GGTA1: variants seen among roughly 807,000 people sequenced by gnomAD.
GGTA1 encodes inactive N-acetyllactosaminide alpha-1,3-galactosyltransferase.
In GGTA1, 5 loss-of-function variants were observed where a neutral mutation model predicts 2.6. The observed-to-expected ratio is 1.92, with a 90% CI of 1.00 to 4.04. GGTA1 has a LOEUF of 4.04. GGTA1 is among the 30% of genes most tolerant of loss of function. The pLI, the probability that GGTA1 is intolerant of heterozygous loss-of-function variation, is 0.00. For missense variants in GGTA1, 50 were observed against 16.7 expected (o/e 2.99, Z -3.47); for synonymous variants, 17 against 5.0 (o/e 3.38, Z -3.19).
intron 1 of GGTA1, among the ~76,000 whole-genome samples, chr9:121,470,407 G>A (rs768315416): frequency 1.3e-5 from 2 of 152,208 alleles, no homozygotes; most frequent in African/African-American, 2.4e-5. Flanking sequence ...AGAATCATGA[G>A]TTCCCACTTG....
intron 1 of GGTA1, among the ~76,000 whole-genome samples, chr9:121,477,954 A>G (rs1444373863): frequency 6.6e-6 from 1 of 150,772 alleles, no homozygotes; most frequent in Non-Finnish European, 1.5e-5. Flanking sequence ...TCCCCAGTCA[A>G]GCCAGGCCAG....
rs1829066986 is a variant in GGTA1, at chr9:121,499,753, A to G, written c.-113T>C. Reference sequence around the variant, plus strand: ...CGGCGAAGCCCTACGCGCTCTGATCAGCCACCGCGCCGCCTCCGCCCGAGC... The same window carrying G: ...CGGCGAAGCCCTACGCGCTCTGATCGGCCACCGCGCCGCCTCCGCCCGAGC... On this transcript the variant is annotated 5_prime_UTR_variant, in exon 1 of 6. Transcript: ENST00000481799. 6.6e-6 allele frequency: 1 copy of G among 151,922 alleles called. No homozygotes were observed. The highest frequency in any genetic ancestry group is 2.4e-5 in the African/African-American group (1 of 41,356). The allele number at this position is 151,922 out of a possible 1,614,324, so 9.4% of individuals were successfully genotyped here.
chr9:121,479,040 G>C (rs200211823), intron 1 of GGTA1: 23 of 456,208 alleles, frequency 5.0e-5, no homozygotes, highest in Non-Finnish European at 7.0e-5. Context: ...GGTCCTACCA[G>C]GGGAGCAAAA....
chr9:121,468,109 T>G (rs941163488), intron 1 of GGTA1, among the ~76,000 whole-genome samples, 178 bp from the exon 2 acceptor site: 3 of 152,312 alleles, frequency 2.0e-5, no homozygotes, highest in Admixed American at 2.0e-4. Flanking sequence ...CGTGCCATGG[T>G]GGTGCACCCA....
intron 4 of GGTA1, among the ~76,000 whole-genome samples, chr9:121,461,039 T>G (rs2064956724): frequency 6.6e-6 from 1 of 152,176 alleles, no homozygotes; most frequent in African/African-American, 2.4e-5. Flanking sequence ...TTTGCACCAC[T>G]GCACTCCAGC....
At chr9:121,462,053 G>A (rs1353801058) in intron 3 of GGTA1, among the ~76,000 whole-genome samples, 1 of 152,212 alleles carries the variant, frequency 6.6e-6, no homozygotes, top group Non-Finnish European at 1.5e-5. Flanking sequence ...GTCGGGCACG[G>A]TGGCTCACGC....
downstream of GGTA1, chr9:121,452,400 G>A (rs1317951822): frequency 2.0e-5 from 3 of 152,632 alleles, no homozygotes; most frequent in South Asian, 2.1e-4. Flanking sequence ...AATCCTGACT[G>A]TAGCTTAACG....
At chr9:121,468,754 G>A (rs1466103550) in intron 1 of GGTA1, among the ~76,000 whole-genome samples, 1 of 152,212 alleles carries the variant, frequency 6.6e-6, no homozygotes, top group Non-Finnish European at 1.5e-5. Flanking sequence ...AGAGGAGGCT[G>A]CCTCCATTGG....
intron 1 of GGTA1, among the ~76,000 whole-genome samples, chr9:121,480,575 A>T (rs1425797988): frequency 6.6e-6 from 1 of 152,144 alleles, no homozygotes; most frequent in Admixed American, 6.5e-5. Flanking sequence ...CCAAAGCCAG[A>T]CAGGAAGGAA....
downstream of GGTA1, among the ~76,000 whole-genome samples, chr9:121,453,829 T>TTTTTCCC (rs2064891341): frequency 6.6e-6 from 1 of 152,172 alleles, no homozygotes; most frequent in Admixed American, 6.5e-5. Flanking sequence ...AGGCTGATAG[T>TTTTTCCC]ACAGCTGGGT....
intron 1 of GGTA1, among the ~76,000 whole-genome samples, chr9:121,483,760 G>C (rs1828701218): frequency 6.6e-6 from 1 of 152,148 alleles, no homozygotes. Flanking sequence ...AAAGAGCCCT[G>C]GCTTCATGTC....
At chr9:121,475,599 T>C (rs1456043477) in intron 1 of GGTA1, among the ~76,000 whole-genome samples, 1 of 152,210 alleles carries the variant, frequency 6.6e-6, no homozygotes, top group Admixed American at 6.5e-5. Context: ...TGCCATGGAT[T>C]CATTAACAAA....
At chr9:121,494,611 A>T (rs1162052288) in intron 1 of GGTA1, 1 of 152,356 alleles carries the variant, frequency 6.6e-6, no homozygotes, top group African/African-American at 2.4e-5. Flanking sequence ...GCTGCAGTGT[A>T]CTATGCAGAT....
intron 3 of GGTA1, 59 bp downstream of exon 3, chr9:121,463,234 G>C (rs2064975343): frequency 2.2e-6 from 1 of 454,056 alleles, no homozygotes; most frequent in South Asian, 1.6e-5. Flanking sequence ...TGGACTGTAG[G>C]GGGTGCCAGA....
At chr9:121,458,288 T>C (rs1370004027) in intron 5 of GGTA1, among the ~76,000 whole-genome samples, 4 of 152,144 alleles carry the variant, frequency 2.6e-5, no homozygotes, top group African/African-American at 9.7e-5. Flanking sequence ...TTAGATGCCC[T>C]GAGAAGACTT....
downstream of GGTA1, among the ~76,000 whole-genome samples, chr9:121,454,625 C>T (rs113446618): frequency 1.2e-3 from 186 of 152,304 alleles, 1 homozygote; most frequent in African/African-American, 4.2e-3. Flanking sequence ...TGAGCTACCA[C>T]GTACACTATT....
At chr9:121,475,689 T>C (rs1564655110) in intron 1 of GGTA1, among the ~76,000 whole-genome samples, 1 of 152,190 alleles carries the variant, frequency 6.6e-6, no homozygotes, top group Non-Finnish European at 1.5e-5. Flanking sequence ...AGAGCTTCTG[T>C]TCCAATGGGA....
chr9:121,485,946 C>A (rs1431925903), intron 1 of GGTA1, among the ~76,000 whole-genome samples: 1 of 152,194 alleles, frequency 6.6e-6, no homozygotes, highest in East Asian at 1.9e-4. Flanking sequence ...ACCACCACCA[C>A]CAAAAACCCA....
At chr9:121,498,747 G>T (rs372867441) in intron 1 of GGTA1, among the ~76,000 whole-genome samples, 5 of 152,136 alleles carry the variant, frequency 3.3e-5, no homozygotes, top group Admixed American at 3.3e-4. Context: ...CTCGGGTCTC[G>T]GTTCCTTCCT....
Sources: allele counts gnomAD v4.1 joint callset (sites outside exome capture counted in the v4.1 genomes callset), GRCh38; gene constraint gnomAD v4.1.1; transcripts MANE v1.5; gene names NCBI Gene and HGNC (gene_info 2026-07-23, HGNC 2026-07-21).